COL19A1: variants seen among roughly 807,000 people sequenced by gnomAD.
COL19A1 encodes the protein collagen type XIX alpha 1 chain.
In COL19A1, 159 loss-of-function variants were observed where a neutral mutation model predicts 190.2. The ratio of observed to expected loss-of-function variants is 0.84; its 90% CI spans 0.73 to 0.95. The LOEUF is 0.95. Ranked by LOEUF, COL19A1 falls within the 40% of genes least tolerant of loss-of-function variation. The probability of loss-of-function intolerance (pLI) is 0.00; values close to 1 mark genes in which losing one functional copy is unlikely to be tolerated. For synonymous variants in COL19A1, 509 were observed against 458.9 expected (o/e 1.11, Z -1.39); for missense variants, 1,418 against 1,431.9 (o/e 0.99, Z 0.16).
At position 70,062,912 on chromosome 6, in the gene COL19A1, A is replaced by G. The variant is rs1007924334; in HGVS notation, c.1171-5511A>G. ...CCATTACATAATGGTAAAGGGATCA[A>G]TTCAACAAGAAGAGCTAACTATCCT... is the stretch of plus-strand genomic sequence containing the variant. On this transcript the variant is annotated intron_variant, in intron 14 of 50. Transcript: ENST00000620364. Among the ~76,000 whole-genome samples the G allele has an allele frequency of 6.6e-5, 10 of 152,234 alleles. No homozygotes were observed. In the Middle Eastern group the frequency reaches 0.01, roughly 155 times the overall value.
At chr6:70,118,659 C>T (rs774594700) in intron 16 of COL19A1, among the ~76,000 whole-genome samples, 2 of 152,124 alleles carry the variant, frequency 1.3e-5, no homozygotes, top group African/African-American at 4.8e-5. Flanking sequence ...AAACCCATTT[C>T]GAGTACTACT....
At chr6:70,044,872 T>C (rs948571189) in intron 14 of COL19A1, among the ~76,000 whole-genome samples, 2 of 152,234 alleles carry the variant, frequency 1.3e-5, no homozygotes, top group Non-Finnish European at 2.9e-5. Context: ...GACTATCATG[T>C]GAATTTTTTA....
intron 7 of COL19A1, 120 bp from the exon 8 acceptor site, chr6:69,936,665 T>C: frequency 7.8e-7 from 1 of 1,278,032 alleles, no homozygotes; most frequent in Non-Finnish European, 1.1e-6. Flanking sequence ...AACTTTTGGT[T>C]AGTAAGAAGC....
intron 13 of COL19A1, 72 bp from the exon 14 acceptor site, chr6:70,035,832 C>A: frequency 8.0e-7 from 1 of 1,245,682 alleles, no homozygotes; most frequent in Non-Finnish European, 1.2e-6. Context: ...TGCTTCTATC[C>A]ACCTAGAAAT....
At chr6:69,983,820 G>T (rs536930354) in intron 11 of COL19A1, among the ~76,000 whole-genome samples, 57 of 152,096 alleles carry the variant, frequency 3.7e-4, no homozygotes, top group African/African-American at 1.3e-3. Flanking sequence ...TGTTAAGAAT[G>T]CATAATTTTT....
intron 14 of COL19A1, among the ~76,000 whole-genome samples, chr6:70,052,249 G>A (rs1275097512): frequency 1.3e-5 from 2 of 152,120 alleles, no homozygotes; most frequent in African/African-American, 4.8e-5. Context: ...CCAGCTGGCA[G>A]AGCCAGAATT....
chr6:70,144,771 G>T (rs1307707771), intron 24 of COL19A1, 147 bp from the exon 25 acceptor site: 10 of 655,252 alleles, frequency 1.5e-5, no homozygotes. Context: ...ATATTATTGA[G>T]TGAGTTGGTG....
chr6:70,137,650 A>G (rs1261927824), intron 18 of COL19A1, 35 bp from the exon 19 acceptor site: 3 of 1,603,892 alleles, frequency 1.9e-6, no homozygotes, highest in Non-Finnish European at 2.6e-6. Flanking sequence ...TTCTCTAACC[A>G]TCTGCAAAAT....
chr6:70,144,589 C>T lies in COL19A1; in HGVS notation c.1680+326C>T, dbSNP rs149411147. The stretch of plus-strand genomic sequence containing the variant: ...TATCTACATGGAAACAGTGCATTAA[C>T]GTTGAACCATTATTGGAGAATAACT... On this transcript the variant is annotated intron_variant, in intron 24 of 50. Transcript: ENST00000620364. Among the ~76,000 whole-genome samples the T allele has an allele frequency of 3.4e-3, 524 of 152,244 alleles. 3 individuals carry two copies. The highest frequency in any genetic ancestry group is 0.01 in the African/African-American group (420 of 41,522).
chr6:70,025,433 A>G (rs374603613), intron 12 of COL19A1, among the ~76,000 whole-genome samples: 5 of 152,320 alleles, frequency 3.3e-5, no homozygotes, highest in African/African-American at 1.2e-4. Flanking sequence ...GGCCTGAAGC[A>G]TTCATTCAGG....
chr6:69,880,009 T>C (rs1014081284), intron 2 of COL19A1: 2 of 309,260 alleles, frequency 6.5e-6, no homozygotes, highest in Non-Finnish European at 1.2e-5. Flanking sequence ...CATTACTAAT[T>C]AGGATTAACA....
chr6:69,976,554 C>T (rs1306203082), intron 11 of COL19A1, among the ~76,000 whole-genome samples: 1 of 152,072 alleles, frequency 6.6e-6, no homozygotes, highest in Non-Finnish European at 1.5e-5. Context: ...GGAGTGAGTA[C>T]ATAACGCTCC....
chr6:70,196,155 A>G (rs1415867614), intron 48 of COL19A1, among the ~76,000 whole-genome samples: 1 of 152,240 alleles, frequency 6.6e-6, no homozygotes, highest in East Asian at 1.9e-4. Flanking sequence ...TGAAACTAGA[A>G]TATAATTATT....
chr6:70,202,245 ATTTTG>A (rs113068558), intron 49 of COL19A1, among the ~76,000 whole-genome samples: 36,361 of 151,762 alleles, frequency 0.24, 4,524 homozygotes, highest in East Asian at 0.34. Context: ...TAGATGAGAC[ATTTTG>A]TTTTGTTTTG....
At chr6:70,002,550 A>G (rs544605967) in intron 11 of COL19A1, among the ~76,000 whole-genome samples, 2 of 151,696 alleles carry the variant, frequency 1.3e-5, no homozygotes, top group Non-Finnish European at 2.9e-5. Flanking sequence ...TTATTGGTCT[A>G]TTCATGGTCT....
intron 34 of COL19A1, among the ~76,000 whole-genome samples, chr6:70,160,795 A>G (rs982280993): frequency 3.3e-5 from 5 of 152,202 alleles, no homozygotes; most frequent in African/African-American, 1.2e-4. Context: ...AAAAGCCTGT[A>G]TGTATCATTC....
chr6:70,058,850 C>A (rs988783686), intron 14 of COL19A1, among the ~76,000 whole-genome samples: 3 of 151,880 alleles, frequency 2.0e-5, no homozygotes, highest in Admixed American at 1.3e-4. Flanking sequence ...AAAATTACTT[C>A]TTGAGAGTGG....
intron 42 of COL19A1, among the ~76,000 whole-genome samples, chr6:70,177,548 T>C (rs1246749505): frequency 6.6e-6 from 1 of 152,226 alleles, no homozygotes; most frequent in Non-Finnish European, 1.5e-5. Flanking sequence ...ACTTAGCCAT[T>C]ATAGATCAAG....
At chr6:70,101,120 A>G (rs571800524) in intron 15 of COL19A1, among the ~76,000 whole-genome samples, 1 of 152,338 alleles carries the variant, frequency 6.6e-6, no homozygotes, top group African/African-American at 2.4e-5. Flanking sequence ...CCCCCAAAAA[A>G]GCATTGAAAA....
Sources: allele counts gnomAD v4.1 joint callset (sites outside exome capture counted in the v4.1 genomes callset), GRCh38; gene constraint gnomAD v4.1.1; transcripts MANE v1.5; gene names NCBI Gene and HGNC (gene_info 2026-07-23, HGNC 2026-07-21).